Variants in HMOX1 observed in about 807,000 individuals in gnomAD.
HMOX1 encodes the protein heat shock protein, 32-kD.
Under a neutral mutation model 27.8 loss-of-function variants are expected in HMOX1, and 22 were observed. The ratio of observed to expected loss-of-function variants is 0.79; its 90% confidence interval spans 0.57 to 1.13. HMOX1 has a LOEUF of 1.13. HMOX1 is among the 50% of genes most tolerant of loss of function. The probability of loss-of-function intolerance (pLI) is 0.00; values close to 1 mark genes in which losing one functional copy is unlikely to be tolerated. For synonymous variants in HMOX1, 153 were observed against 151.6 expected (o/e 1.01, Z -0.07); for missense variants, 379 against 377.7 (o/e 1.00, Z -0.03).
intron 3 of HMOX1, among the ~76,000 whole-genome samples, chr22:35,388,805 A>AC (rs1418490234): frequency 2.0e-5 from 3 of 147,066 alleles, no homozygotes; most frequent in Non-Finnish European, 2.9e-5. Context: ...TTAAAAACAA[A>AC]AAACAAACAA....
intron 3 of HMOX1, among the ~76,000 whole-genome samples, chr22:35,388,525 C>T (rs550531014): frequency 6.7e-4 from 102 of 151,672 alleles, no homozygotes; most frequent in African/African-American, 2.3e-3. Context: ...TGGTGGGTCA[C>T]GCCTGTAATT....
At chr22:35,387,852 C>T (rs1324261771) in intron 3 of HMOX1, among the ~76,000 whole-genome samples, 7 of 152,230 alleles carry the variant, frequency 4.6e-5, no homozygotes, top group African/African-American at 1.4e-4. Context: ...CCGTGGATTG[C>T]AGAAGATTCT....
rs761431750 is a variant in HMOX1, at chr22:35,383,112, C to T, written c.30C>T (p.Pro10=). 1 of 1,613,574 alleles carries T rather than the reference C, an allele frequency of 6.2e-7. No homozygotes were observed. Among genetic ancestry groups the T allele is most frequent in the East Asian group, 2.2e-5 (1 of 44,856 alleles). ...TTTCCCATTTCCTCCTCAGCATGCC[C>T]CAGGATTTGTCAGAGGCCCTGAAGG... The part of the protein sequence containing the change: MERPQPDSM[P]QDLSEALKEA... Residue 10 remains proline, a synonymous_variant, in exon 2 of 5, where the codon CCC becomes CCT. Coordinates refer to ENST00000216117, the MANE Select transcript of HMOX1 (RefSeq NM_002133.3).
chr22:35,391,781 T>A (rs1177662035), intron 4 of HMOX1, among the ~76,000 whole-genome samples: 2 of 151,094 alleles, frequency 1.3e-5, no homozygotes, highest in African/African-American at 4.9e-5. Flanking sequence ...TGGCTTTTTT[T>A]AAAAAAGCCA....
intron 1 of HMOX1, among the ~76,000 whole-genome samples, chr22:35,381,750 C>T (rs1931391938): frequency 6.6e-6 from 1 of 151,974 alleles, no homozygotes; most frequent in Admixed American, 6.6e-5. Flanking sequence ...CACTCATTCC[C>T]TTCTTTCAAT....
intron 4 of HMOX1, among the ~76,000 whole-genome samples, chr22:35,392,559 G>A (rs534966728): frequency 6.5e-4 from 99 of 152,174 alleles, no homozygotes; most frequent in African/African-American, 2.0e-3. Context: ...AGCCCAGGGC[G>A]GGGCTAGGAT....
rs1416445731 is a variant in HMOX1, at chr22:35,389,229, C to CTTTCTTTCTT, written c.637-622_637-613dup. Among the ~76,000 whole-genome samples, 76 of 116,982 alleles carry CTTTCTTTCTT rather than the reference C, an allele frequency of 6.5e-4. 2 individuals carry two copies. The highest frequency in any genetic ancestry group is 3.2e-3 in the African/African-American group (61 of 19,042). The allele number at this position is 116,982 out of a possible 152,430, so 76.7% of individuals were successfully genotyped here. A position where few individuals can be genotyped will look rare whatever the true frequency, so the allele number is the denominator to read the frequency against. On this transcript the variant is annotated intron_variant, in intron 3 of 4. Transcript: ENST00000216117. ...TCTTTCTTTCTCTCTTTCTTTCTTT[C>CTTTCTTTCTT]TTTCTTTCTTTTTCTTTCTTTTCTC...
rs1160540251 is a variant in HMOX1 at position 35,393,929 on chromosome 22, T to A, written c.*331T>A. ...CTCCAAAAGCCCTGAGTTTCAAGTA[T>A]CCTTGTTGACACGGCCATGACCACT... On this transcript the variant is annotated 3_prime_UTR_variant, in exon 5 of 5. Coordinates refer to ENST00000216117, the MANE Select transcript of HMOX1 (RefSeq NM_002133.3). 9 of 372,368 alleles carry A rather than the reference T, an allele frequency of 2.4e-5. No individual in the cohort carries two copies. Among genetic ancestry groups the A allele is most frequent in the Non-Finnish European group, 4.7e-5 (9 of 192,068 alleles). The allele number at this position is 372,368 out of a possible 1,614,324, so 23.1% of individuals were successfully genotyped here.
intron 3 of HMOX1, among the ~76,000 whole-genome samples, chr22:35,387,853 A>C (rs76024758): frequency 8.5e-4 from 130 of 152,336 alleles, no homozygotes; most frequent in African/African-American, 3.0e-3. Flanking sequence ...CGTGGATTGC[A>C]GAAGATTCTG....
At chr22:35,381,230 C>T in intron 1 of HMOX1, 34 bp downstream of exon 1, 1 of 1,544,172 alleles carries the variant, frequency 6.5e-7, no homozygotes, top group Non-Finnish European at 8.7e-7. Context: ...GGACGGGCGC[C>T]TTTCTCTCCC....
intron 3 of HMOX1, among the ~76,000 whole-genome samples, chr22:35,389,341 C>CCTTCCTTCCTTCCT (rs1555901584): frequency 5.3e-4 from 33 of 62,544 alleles, no homozygotes; most frequent in Admixed American, 9.4e-4. Context: ...TTTCTTTCTT[C>CCTTCCTTCCTTCCT]TCCTTCCTTC....
At chr22:35,385,228 G>A (rs1487011772) in intron 2 of HMOX1, among the ~76,000 whole-genome samples, 5 of 152,048 alleles carry the variant, frequency 3.3e-5, no homozygotes, top group South Asian at 2.1e-4. Flanking sequence ...TTACGCAGAG[G>A]TCAAAAGCCA....
In HMOX1 at chr22:35,381,149, C is replaced by T. The variant is rs1333826564; in HGVS notation, c.-25C>T. The T allele has an allele frequency of 9.7e-6, 15 of 1,540,884 alleles. No individual in the cohort carries two copies. Among genetic ancestry groups the T allele is most frequent in the Non-Finnish European group, 1.2e-5 (14 of 1,149,218 alleles). ...GCGCAGCCGCCGCCCGCGGAGCCAGCACGAACGAGCCCAGCACCGGCCGGA... is the reference window on the plus strand; with the variant it reads ...GCGCAGCCGCCGCCCGCGGAGCCAGTACGAACGAGCCCAGCACCGGCCGGA... On this transcript the variant is annotated 5_prime_UTR_variant, in exon 1 of 5. Coordinates refer to ENST00000216117, the MANE Select transcript of HMOX1 (RefSeq NM_002133.3).
intron 4 of HMOX1, among the ~76,000 whole-genome samples, chr22:35,392,457 T>G (rs538546278): frequency 6.6e-6 from 1 of 150,628 alleles, no homozygotes; most frequent in Non-Finnish European, 1.5e-5. Flanking sequence ...ACAGTGTACC[T>G]GCTTGCTTGC....
intron 1 of HMOX1, among the ~76,000 whole-genome samples, chr22:35,381,954 A>G (rs911589376): frequency 6.6e-6 from 1 of 152,136 alleles, no homozygotes; most frequent in Non-Finnish European, 1.5e-5. Flanking sequence ...CGGACCCATG[A>G]CAGAAATACT....
At position 35,389,437 on chromosome 22, in the gene HMOX1, TTTCTTTCTTTCTTTTCTTTC is replaced by T. The variant is rs1401504300; in HGVS notation, c.637-424_637-405del. 2.5e-5 allele frequency among the ~76,000 whole-genome samples: 3 copies of T among 118,566 alleles called. No individual in the cohort carries two copies. In the South Asian group the frequency reaches 7.6e-4, roughly 30 times the overall value. The allele number at this position is 118,566 out of a possible 152,430, so 77.8% of individuals were successfully genotyped here. A position where few individuals can be genotyped will look rare whatever the true frequency, so the allele number is the denominator to read the frequency against. ...CTTTCTTTCTTTCTTTCTATCTTTC[TTTCTTTCTTTCTTTTCTTTC>T]TTTCTTGCAGAGTCTCGCCCTGTCA... On this transcript the variant is annotated intron_variant, in intron 3 of 4. Transcript: ENST00000216117.
At chr22:35,391,504 G>A (rs1020111286) in intron 4 of HMOX1, among the ~76,000 whole-genome samples, 10 of 150,768 alleles carry the variant, frequency 6.6e-5, no homozygotes, top group African/African-American at 2.2e-4. Flanking sequence ...AGCCAGGATG[G>A]TCTCGATCTC....
In HMOX1 at chr22:35,391,585, C is replaced by CATTTTTTT. The variant is rs372077518; in HGVS notation, c.736+1622_736+1623insATTTTTTT. On this transcript the variant is annotated intron_variant, in intron 4 of 4. Transcript: ENST00000216117. The stretch of plus-strand genomic sequence containing the variant: ...TACAGGTGTGAGCCACCGCGCCCGG[C>CATTTTTTT]CTTTTTTTTTTTTTTTTTTTTTTTT... 1.1e-4 allele frequency among the ~76,000 whole-genome samples: 12 copies of CATTTTTTT among 112,464 alleles called. 1 individual carries two copies. Among genetic ancestry groups the CATTTTTTT allele is most frequent in the African/African-American group, 8.5e-5 (2 of 23,446 alleles). 73.8% of individuals were successfully genotyped at this position (112,464 alleles called of 152,430 possible).
intron 4 of HMOX1, among the ~76,000 whole-genome samples, chr22:35,391,371 T>C (rs1197644088): frequency 6.6e-6 from 1 of 151,782 alleles, no homozygotes; most frequent in Non-Finnish European, 1.5e-5. Context: ...CACTGCAAGC[T>C]CCGCCTCCCA....
Sources: gnomAD v4.1 joint callset for allele counts (sites outside exome capture counted in the v4.1 genomes callset) on GRCh38, gnomAD v4.1.1 for gene constraint, MANE v1.5 for transcripts, NCBI Gene and HGNC (gene_info 2026-07-23, HGNC 2026-07-21) for gene names.